SPON2: variants seen among roughly 807,000 people sequenced by gnomAD.
SPON2 encodes the protein spondin-2.
Under a neutral mutation model 29.9 loss-of-function variants are expected in SPON2, and 32 were observed. The ratio of observed to expected loss-of-function variants is 1.07; its 90% CI spans 0.81 to 1.44. The LOEUF (loss-of-function observed/expected upper bound fraction) is 1.44, where lower values mean the gene tolerates loss of function less well. Among genes scored for constraint, SPON2 ranks in the 40% most tolerant of loss-of-function variants. The pLI, the probability that SPON2 is intolerant of heterozygous loss-of-function variation, is 0.00. For synonymous variants in SPON2, 248 were observed against 209.1 expected, an observed-to-expected ratio of 1.19 and a Z score of -1.61; for missense variants, 541 against 455.5, an observed-to-expected ratio of 1.19 and a Z score of -1.71.
upstream of SPON2, chr4:1,172,726 AGGGGCTGCG>A (rs1249062346): frequency 1.3e-5 from 2 of 152,180 alleles, no homozygotes; most frequent in Non-Finnish European, 2.9e-5. Flanking sequence ...AAGGAGGAGA[AGGGGCTGCG>A]GGGGCGGCGG....
At chr4:1,206,412 G>C (rs1033030163) in intron 1 of SPON2, among the ~76,000 whole-genome samples, 2 of 152,256 alleles carry the variant, frequency 1.3e-5, no homozygotes, top group Non-Finnish European at 2.9e-5. Flanking sequence ...TGCCAGGGCA[G>C]GGGGAGGCCG....
rs1468722594 is a variant in SPON2, at chr4:1,167,664, A to C, written c.812-8T>G. The C allele has an allele frequency of 2.5e-6, 4 of 1,591,936 alleles. No individual in the cohort carries two copies. The highest frequency in any genetic ancestry group is 3.4e-6 in the Non-Finnish European group (4 of 1,167,186). On this transcript the variant is annotated splice_polypyrimidine_tract_variant and splice_region_variant and intron_variant, in intron 5 of 5. Coordinates refer to ENST00000290902, the MANE Select transcript of SPON2 (RefSeq NM_012445.4). ...CCAGCGGCGTTTCTGGAACTGGACC[A>C]AGCAAAGGGGAGACCGAGGTGAACG...
At position 1,207,664 on chromosome 4, in the gene SPON2, C is replaced by T. The variant is rs984142467; in HGVS notation, c.-234+216G>A. On this transcript the variant is annotated intron_variant, in intron 1 of 3. Transcript: ENST00000509233. ...GGTCCGGCTGCCTAACCATGCGCCG[C>T]GCTTACACATGCTCCAGAGGGTCCG... is the stretch of plus-strand genomic sequence containing the variant. Among the ~76,000 whole-genome samples, 4 of 150,704 alleles carry T rather than the reference C, an allele frequency of 2.7e-5. No individual in the cohort carries two copies. The South Asian group carries it at 6.2e-4, about 24-fold the overall frequency.
intron 5 of SPON2, among the ~76,000 whole-genome samples, chr4:1,169,130 A>G (rs1727338532): frequency 6.6e-6 from 1 of 151,268 alleles, no homozygotes; most frequent in South Asian, 2.1e-4. Flanking sequence ...AGCTGACTTT[A>G]TCCCTCTCCT....
chr4:1,170,137 GTCTC>G (rs1410160059), intron 5 of SPON2: 2 of 426,192 alleles, frequency 4.7e-6, no homozygotes, highest in Non-Finnish European at 4.2e-6. Flanking sequence ...ACAGGACAGA[GTCTC>G]TCAGGTACTG....
chr4:1,177,437 A>G (rs1727625525), upstream of SPON2, among the ~76,000 whole-genome samples: 1 of 152,196 alleles, frequency 6.6e-6, no homozygotes, highest in Non-Finnish European at 1.5e-5. Flanking sequence ...TTTCCCAGTC[A>G]GGCATCGGGG....
upstream of SPON2, among the ~76,000 whole-genome samples, chr4:1,174,339 T>C (rs1455675511): frequency 1.3e-5 from 2 of 151,758 alleles, no homozygotes; most frequent in African/African-American, 2.4e-5. Flanking sequence ...ATACAAAAAC[T>C]AGCTGGATGT....
rs1171454410 is a variant in SPON2, at chr4:1,172,093, G to A, written c.-3-19C>T. The A allele has an allele frequency of 2.5e-6, 4 of 1,601,428 alleles. No homozygotes were observed. Among genetic ancestry groups the A allele is most frequent in the Admixed American group, 1.7e-5 (1 of 59,630 alleles). On this transcript the variant is annotated intron_variant, in intron 1 of 5. Transcript: ENST00000290902. ...CCATCACCTGGGAGCACAGAGGGGAGCAGCCGCGCGCTGGCACCGTCGTGG... is the reference window on the plus strand; with the variant it reads ...CCATCACCTGGGAGCACAGAGGGGAACAGCCGCGCGCTGGCACCGTCGTGG...
At chr4:1,194,594 C>T (rs928214146) in intron 1 of SPON2, among the ~76,000 whole-genome samples, 4 of 152,162 alleles carry the variant, frequency 2.6e-5, no homozygotes, top group African/African-American at 7.2e-5. Flanking sequence ...GGGCCAGCTG[C>T]GCCGGAGGCC....
intron 1 of SPON2, among the ~76,000 whole-genome samples, chr4:1,183,825 T>C (rs1727744755): frequency 1.3e-5 from 2 of 151,894 alleles, no homozygotes; most frequent in African/African-American, 4.8e-5. Context: ...CAAAGGGAAA[T>C]GAGAAAGGAA....
intron 1 of SPON2, among the ~76,000 whole-genome samples, chr4:1,191,876 G>C (rs1727921235): frequency 6.6e-6 from 1 of 152,208 alleles, no homozygotes. Flanking sequence ...TCTACATTCA[G>C]GTACATAGCT....
rs767634992 is a variant in SPON2, at chr4:1,167,652, T to C, written c.816A>G (p.Pro272=). ...DNEIVDSASV[P]ETPLDCEVSL... ...AGACCTCGCAGTCCAGCGGCGTTTC[T>C]GGAACTGGACCAAGCAAAGGGGAGA... is the stretch of plus-strand genomic sequence containing the variant. The change falls in exon 6 of 6, where the codon CCA becomes CCG. Residue 272 remains proline, a synonymous_variant. Coordinates refer to ENST00000290902, the MANE Select transcript of SPON2 (RefSeq NM_012445.4). 1.2e-6 allele frequency: 2 copies of C among 1,604,816 alleles called. No homozygotes were observed. The highest frequency in any genetic ancestry group is 1.7e-6 in the Non-Finnish European group (2 of 1,175,102).
intron 1 of SPON2, among the ~76,000 whole-genome samples, chr4:1,187,092 G>A (rs74831613): frequency 0.013 from 2,019 of 152,276 alleles, 35 homozygotes; most frequent in African/African-American, 0.045. Flanking sequence ...TCATAGCAGC[G>A]TTATTCACAA....
Position 1,202,343 on chromosome 4 carries a change from G to A in SPON2, c.-234+5537C>T, listed in dbSNP as rs779665520. Among the ~76,000 whole-genome samples, 3 of 152,092 alleles carry A rather than the reference G, an allele frequency of 2.0e-5. No homozygotes were observed. The highest frequency in any genetic ancestry group is 2.9e-5 in the Non-Finnish European group (2 of 68,014). ...CACCTCCCATCAGTCCCCACCTCCCGGCACTCCACGGGGTCTAAGTTTCAG... is the reference window on the plus strand; with the variant it reads ...CACCTCCCATCAGTCCCCACCTCCCAGCACTCCACGGGGTCTAAGTTTCAG... On this transcript the variant is annotated intron_variant, in intron 1 of 3. Coordinates refer to the SPON2 transcript ENST00000509233. This position sits in a 1 kb window ranked among gnomAD's most constrained non-coding sequence, Gnocchi z 5.4.
intron 2 of SPON2, among the ~76,000 whole-genome samples, chr4:1,179,057 CAGG>C (rs1304510922): frequency 6.6e-6 from 1 of 152,196 alleles, no homozygotes; most frequent in Non-Finnish European, 1.5e-5. Context: ...CTCTGCAGTC[CAGG>C]AGGACACCCA....
intron 1 of SPON2, among the ~76,000 whole-genome samples, chr4:1,205,302 G>T (rs1020741671): frequency 1.2e-4 from 19 of 152,246 alleles, no homozygotes; most frequent in Non-Finnish European, 2.4e-4. Flanking sequence ...CACAGGAGGT[G>T]GCGCTGGCTG....
At chr4:1,185,386 T>C (rs547129464) in intron 1 of SPON2, among the ~76,000 whole-genome samples, 7 of 151,926 alleles carry the variant, frequency 4.6e-5, no homozygotes, top group African/African-American at 1.7e-4. Context: ...AGAATAGTCT[T>C]TTTGACAAAT....
At chr4:1,194,101 C>T (rs995452286) in intron 1 of SPON2, among the ~76,000 whole-genome samples, 1 of 152,090 alleles carries the variant, frequency 6.6e-6, no homozygotes, top group African/African-American at 2.4e-5. Flanking sequence ...CCCCACAGGA[C>T]GTCTCCGGGG....
rs573681976 is a variant in SPON2, at chr4:1,187,617, C to T, written c.-239+7373G>A. 5.9e-5 allele frequency among the ~76,000 whole-genome samples: 9 copies of T among 152,216 alleles called. No homozygotes were observed. In the East Asian group the frequency reaches 7.7e-4, roughly 13 times the overall value. Reference sequence around the variant, plus strand: ...TTTTTAGCAGATGCCCTAGGGATTACAATTAATATCTTAATTTATAACAAC... The same window carrying T: ...TTTTTAGCAGATGCCCTAGGGATTATAATTAATATCTTAATTTATAACAAC... On this transcript the variant is annotated intron_variant, in intron 1 of 3. Transcript: ENST00000502483.
Sources: allele counts gnomAD v4.1 joint callset (sites outside exome capture counted in the v4.1 genomes callset), GRCh38; gene constraint gnomAD v4.1.1; non-coding constraint Gnocchi (gnomAD v3.1); transcripts MANE v1.5; gene names NCBI Gene and HGNC (gene_info 2026-07-23, HGNC 2026-07-21).